Variants in ARID4A observed in about 807,000 individuals in gnomAD.
ARID4A encodes the protein AT-rich interaction domain 4A.
A neutral mutation model predicts 148.6 loss-of-function variants in ARID4A; 39 were observed. The observed-to-expected ratio is 0.26, with a 90% CI of 0.20 to 0.34. ARID4A has a LOEUF of 0.34. Among genes scored for constraint, ARID4A ranks in the 10% least tolerant of loss-of-function variants. The probability of loss-of-function intolerance (pLI) is 1.00; values close to 1 mark genes in which losing one functional copy is unlikely to be tolerated. For synonymous variants in ARID4A, 475 were observed against 481.2 expected (o/e 0.99, Z 0.17); for missense variants, 1,265 against 1,449.1 (o/e 0.87, Z 2.06).
chr14:58,312,506 G>A (rs1010749072), intron 5 of ARID4A, among the ~76,000 whole-genome samples: 2 of 152,062 alleles, frequency 1.3e-5, no homozygotes, highest in Admixed American at 6.6e-5. Context: ...ATGAGCCTCC[G>A]TGCCCGGTGA....
At position 58,365,104 on chromosome 14, in the gene ARID4A, A is replaced by T; in HGVS notation, c.3015A>T (p.Val1005=). 1.2e-6 allele frequency: 2 copies of T among 1,614,160 alleles called. No homozygotes were observed. The highest frequency in any genetic ancestry group is 1.7e-6 in the Non-Finnish European group (2 of 1,179,992). ...CTGTAGTCCAACATAACTTTTCAGT[A>T]GCTTCACCACTTACTCTTAGTCAAG... The part of the protein sequence containing the change: ...LPPVVQHNFS[V]ASPLTLSQDE... Residue 1005 remains valine, a synonymous_variant, in exon 20 of 24, where the codon GTA becomes GTT. Coordinates refer to ENST00000355431, the MANE Select transcript of ARID4A (RefSeq NM_002892.4).
intron 16 of ARID4A, among the ~76,000 whole-genome samples, chr14:58,353,195 A>G (rs2034714502): frequency 6.6e-6 from 1 of 152,230 alleles, no homozygotes; most frequent in Non-Finnish European, 1.5e-5. Flanking sequence ...AAGTTACAAA[A>G]TATCCTTAAA....
intron 11 of ARID4A, among the ~76,000 whole-genome samples, chr14:58,340,744 C>A (rs943125136): frequency 6.6e-6 from 1 of 152,084 alleles, no homozygotes; most frequent in African/African-American, 2.4e-5. Context: ...CTTGGCCCCC[C>A]AAAGTGCTGG....
At chr14:58,357,385 A>G (rs902802314) in intron 17 of ARID4A, among the ~76,000 whole-genome samples, 1 of 152,234 alleles carries the variant, frequency 6.6e-6, no homozygotes, top group Non-Finnish European at 1.5e-5. Context: ...ACTGAAATAC[A>G]TGCATAAAGG....
At chr14:58,327,811 A>G (rs185039496) in intron 8 of ARID4A, among the ~76,000 whole-genome samples, 80 of 152,158 alleles carry the variant, frequency 5.3e-4, no homozygotes, top group African/African-American at 1.8e-3. Flanking sequence ...AGCTGGGACT[A>G]TAGGCACACA....
In ARID4A at chr14:58,317,580, G is replaced by A. The variant is rs558195129; in HGVS notation, c.275-962G>A. ...GCTGGGATTACAGACGTGAGCCACC[G>A]CGCCTGGCCTAAAGTTTCTTTTTAA... is the stretch of plus-strand genomic sequence containing the variant. On this transcript the variant is annotated intron_variant, in intron 5 of 23. Transcript: ENST00000355431. 4.7e-5 allele frequency among the ~76,000 whole-genome samples: 7 copies of A among 149,450 alleles called. No homozygotes were observed. The South Asian group carries it at 1.1e-3, about 23-fold the overall frequency.
chr14:58,309,452 T>G (rs140731026), intron 5 of ARID4A, among the ~76,000 whole-genome samples: 75 of 152,356 alleles, frequency 4.9e-4, no homozygotes, highest in African/African-American at 1.8e-3. Flanking sequence ...GGAAGTGTGT[T>G]ATCTGTTCAG....
chr14:58,305,075 C>G, intron 4 of ARID4A, 66 bp downstream of exon 4: 1 of 1,305,140 alleles, frequency 7.7e-7, no homozygotes, highest in Non-Finnish European at 1.1e-6. Flanking sequence ...ACTGAATTTA[C>G]ATTTCTACAT....
chr14:58,308,216 G>C (rs998219802), intron 5 of ARID4A, among the ~76,000 whole-genome samples: 1 of 152,194 alleles, frequency 6.6e-6, no homozygotes, highest in Non-Finnish European at 1.5e-5. Flanking sequence ...AGAAGAAATT[G>C]TATAATTCTT....
intron 2 of ARID4A, among the ~76,000 whole-genome samples, 197 bp from the exon 3 acceptor site, chr14:58,301,378 CATTTT>C (rs2031156907): frequency 6.6e-6 from 1 of 152,054 alleles, no homozygotes; most frequent in Admixed American, 6.6e-5. Context: ...AACTTTAAAA[CATTTT>C]ATCATATCAG....
At chr14:58,328,507 T>C (rs1283242447) in intron 9 of ARID4A, among the ~76,000 whole-genome samples, 191 bp downstream of exon 9, 2 of 152,168 alleles carry the variant, frequency 1.3e-5, no homozygotes, top group African/African-American at 4.8e-5. Flanking sequence ...ATATAAAAAA[T>C]GTGAACATTA....
At chr14:58,301,809 C>T (rs2031192777) in intron 3 of ARID4A, 119 bp downstream of exon 3, 2 of 565,522 alleles carry the variant, frequency 3.5e-6, no homozygotes, top group East Asian at 3.2e-5. Context: ...ATATACCAAA[C>T]TTAAAGGAAA....
chr14:58,344,723 G>C lies in ARID4A; in HGVS notation c.935G>C (p.Arg312Thr), dbSNP rs528602711. Residue 312 changes from arginine to threonine, a missense_variant, in exon 12 of 24, where the codon AGG (arginine) becomes ACG (threonine). Arg to Thr is a moderately conservative substitution (Grantham distance 71). Around this residue, in one of 9 missense-constraint regions of ARID4A, gnomAD observed 249 missense variants for 277.2 expected, o/e 0.90. Coordinates refer to ENST00000355431, the MANE Select transcript of ARID4A (RefSeq NM_002892.4). Reference sequence around the variant, plus strand: ...GAGGAAGAACTTGATCCTGAAGAGAGGGACAACTTCCTCCAGCAGCTTTAT... The same window carrying C: ...GAGGAAGAACTTGATCCTGAAGAGACGGACAACTTCCTCCAGCAGCTTTAT... ...VPEEELDPEE[R>T]DNFLQQLYKF... 5.6e-6 allele frequency: 9 copies of C among 1,612,996 alleles called. No individual in the cohort carries two copies. Among genetic ancestry groups the C allele is most frequent in the South Asian group, 1.1e-5 (1 of 90,952 alleles).
intron 7 of ARID4A, among the ~76,000 whole-genome samples, chr14:58,322,963 C>CAAA (rs386381476): frequency 0.17 from 6,877 of 41,486 alleles, 541 homozygotes; most frequent in Middle Eastern, 0.19. Context: ...ACTCCATTTC[C>CAAA]AAAAAAAAAA....
In ARID4A at chr14:58,329,860, T is replaced by A. The variant is rs570446416; in HGVS notation, c.740-143T>A. The A allele has an allele frequency of 8.2e-6, 11 of 1,334,212 alleles. No individual in the cohort carries two copies. In the East Asian group the frequency reaches 1.7e-4, roughly 20 times the overall value. 82.6% of individuals were successfully genotyped at this position (1,334,212 alleles called of 1,614,324 possible). ...AATGTTTATATAACATTATAACTTATGAAATATGTTAAAGCTTACTGTATC... is the reference window on the plus strand; with the variant it reads ...AATGTTTATATAACATTATAACTTAAGAAATATGTTAAAGCTTACTGTATC... On this transcript the variant is annotated intron_variant, in intron 10 of 23. Coordinates refer to ENST00000355431, the MANE Select transcript of ARID4A (RefSeq NM_002892.4).
At chr14:58,305,913 A>G (rs2031564680) in intron 4 of ARID4A, 109 bp from the exon 5 acceptor site, 1 of 761,706 alleles carries the variant, frequency 1.3e-6, no homozygotes, top group East Asian at 2.5e-5. Context: ...GTAAGATAGA[A>G]TTATCATAAG....
At chr14:58,350,651 A>G (rs1028267639) in intron 15 of ARID4A, among the ~76,000 whole-genome samples, 1 of 152,232 alleles carries the variant, frequency 6.6e-6, no homozygotes. Context: ...CAGAGCCTTT[A>G]AAGAAGCAAA....
At position 58,344,707 on chromosome 14, in the gene ARID4A, C is replaced by G; in HGVS notation, c.919C>G (p.Leu307Val). 6.2e-7 allele frequency: 1 copy of G among 1,611,822 alleles called. No individual in the cohort carries two copies. Among genetic ancestry groups the G allele is most frequent in the Non-Finnish European group, 8.5e-7 (1 of 1,178,472 alleles). The change falls in exon 12 of 24, where the codon CTT (leucine) becomes GTT (valine). Residue 307 changes from leucine to valine, a missense_variant. By Grantham distance (32) the Leu-to-Val change is conservative. Coordinates refer to ENST00000355431, the MANE Select transcript of ARID4A (RefSeq NM_002892.4). The stretch of plus-strand genomic sequence containing the variant: ...TTTATCTTTACAGCCTGAGGAAGAA[C>G]TTGATCCTGAAGAGAGGGACAACTT... Reference protein sequence around the residue: ...KTEEEVPEEELDPEERDNFLQ... With the variant: ...KTEEEVPEEEVDPEERDNFLQ...
intron 11 of ARID4A, among the ~76,000 whole-genome samples, chr14:58,337,717 GT>G (rs1183907912): frequency 1.3e-5 from 2 of 152,164 alleles, no homozygotes; most frequent in African/African-American, 4.8e-5. Context: ...TCTGTCACTT[GT>G]AGTAAAAGTT....
Sources: allele counts gnomAD v4.1 joint callset (sites outside exome capture counted in the v4.1 genomes callset), GRCh38; gene constraint gnomAD v4.1.1; regional missense constraint gnomAD v4.1.1; transcripts MANE v1.5; gene names NCBI Gene and HGNC (gene_info 2026-07-23, HGNC 2026-07-21).